The following VPS13A variants were observed in gnomAD, a reference collection of about 807,000 sequenced individuals.
The protein encoded by VPS13A is vacuolar protein sorting 13 homolog A.
Under a neutral mutation model 390.9 loss-of-function variants are expected in VPS13A, and 264 were observed. The observed-to-expected ratio is 0.68, with a 90% CI of 0.61 to 0.75. The LOEUF is 0.75. VPS13A is among the 30% of genes least tolerant of loss of function. The pLI, the probability that VPS13A is intolerant of heterozygous loss-of-function variation, is 0.00. For synonymous variants in VPS13A, 1,231 were observed against 1,227.1 expected (o/e 1.00, Z -0.07); for missense variants, 3,409 against 3,733.9 (o/e 0.91, Z 2.27).
rs577628249 is a variant in VPS13A, at chr9:77,280,965, A to T, written c.2904+727A>T. ...TATTCAGCTTTAAAAAAGGGGGGGAATCCTGTCACTTATGTCGACATAGAT... is the reference window on the plus strand; with the variant it reads ...TATTCAGCTTTAAAAAAGGGGGGGATTCCTGTCACTTATGTCGACATAGAT... On this transcript the variant is annotated intron_variant, in intron 27 of 71. Transcript: ENST00000360280. 2.0e-5 allele frequency among the ~76,000 whole-genome samples: 3 copies of T among 152,296 alleles called. No individual in the cohort carries two copies. The East Asian group carries it at 5.8e-4, about 29-fold the overall frequency.
chr9:77,395,608 A>G (rs555395356), intron 68 of VPS13A: 6 of 152,342 alleles, frequency 3.9e-5, no homozygotes, highest in South Asian at 4.1e-4. Context: ...AAAAAACACA[A>G]TATCTGGGAA....
chr9:77,306,401 A>AGAGAGAGAGTGTGTGT (rs550279922), intron 34 of VPS13A, among the ~76,000 whole-genome samples: 14 of 107,788 alleles, frequency 1.3e-4, no homozygotes, highest in African/African-American at 4.2e-4. Flanking sequence ...AGAGAGAGAG[A>AGAGAGAGAGTGTGTGT]GTGTGTGTGT....
intron 34 of VPS13A, among the ~76,000 whole-genome samples, chr9:77,305,024 C>T (rs1242281779): frequency 1.4e-4 from 21 of 151,704 alleles, no homozygotes; most frequent in African/African-American, 4.6e-4. Context: ...CTGCAAGCTC[C>T]GCCTCTGGGG....
chr9:77,267,330 AC>A (rs1238185240), intron 23 of VPS13A, among the ~76,000 whole-genome samples: 2 of 152,006 alleles, frequency 1.3e-5, no homozygotes, highest in Non-Finnish European at 2.9e-5. Flanking sequence ...GAAGTTGGTG[AC>A]CTTCGGATGG....
At chr9:77,361,830 C>T (rs1832158019) in intron 59 of VPS13A, among the ~76,000 whole-genome samples, 1 of 152,014 alleles carries the variant, frequency 6.6e-6, no homozygotes, top group Non-Finnish European at 1.5e-5. Flanking sequence ...GTCTTTGATT[C>T]TAGCAATCAT....
intron 35 of VPS13A, among the ~76,000 whole-genome samples, chr9:77,313,222 C>T (rs141642704): frequency 1.1e-4 from 16 of 152,134 alleles, no homozygotes; most frequent in East Asian, 7.7e-4. Context: ...ATACAAAATT[C>T]GTCTATGATG....
chr9:77,197,397 T>C (rs1825066429), intron 1 of VPS13A, among the ~76,000 whole-genome samples: 1 of 152,244 alleles, frequency 6.6e-6, no homozygotes, highest in African/African-American at 2.4e-5. Context: ...TCTGTTTCTC[T>C]CCTCAATTCT....
At chr9:77,179,383 C>T (rs1195709008) in intron 1 of VPS13A, among the ~76,000 whole-genome samples, 2 of 152,122 alleles carry the variant, frequency 1.3e-5, no homozygotes, top group East Asian at 1.9e-4. Context: ...TTGATCTCAC[C>T]CCGCCACCAC....
intron 59 of VPS13A, among the ~76,000 whole-genome samples, chr9:77,364,451 A>G (rs890779956): frequency 3.9e-5 from 6 of 151,960 alleles, no homozygotes; most frequent in Non-Finnish European, 7.4e-5. Flanking sequence ...ACAAAAAAAA[A>G]CCCATAAAGG....
At chr9:77,405,753 C>CT (rs1587728041) in intron 69 of VPS13A, 111 bp from the exon 70 acceptor site, 1 of 1,325,262 alleles carries the variant, frequency 7.5e-7, no homozygotes, top group East Asian at 2.4e-5. Flanking sequence ...AGAATATAGT[C>CT]TATGTTGATG....
chr9:77,397,540 G>A lies in VPS13A; in HGVS notation c.9190-5696G>A, dbSNP rs1425991950. 2.0e-5 allele frequency among the ~76,000 whole-genome samples: 3 copies of A among 151,782 alleles called. No homozygotes were observed. The East Asian group carries it at 5.8e-4, about 29-fold the overall frequency. ...CCTATTTTTAATCTTTTCATATTTTGCATTATTTTTCAGAAGTATTTTTGT... is the reference window on the plus strand; with the variant it reads ...CCTATTTTTAATCTTTTCATATTTTACATTATTTTTCAGAAGTATTTTTGT... On this transcript the variant is annotated intron_variant, in intron 68 of 71. Coordinates refer to ENST00000360280, the MANE Select transcript of VPS13A (RefSeq NM_033305.3).
intron 33 of VPS13A, 38 bp downstream of exon 33, chr9:77,295,884 A>G (rs1243419164): frequency 1.2e-6 from 2 of 1,603,648 alleles, no homozygotes; most frequent in South Asian, 1.1e-5. Context: ...GGAATGCAAT[A>G]TTTTTCTAAC....
intron 1 of VPS13A, among the ~76,000 whole-genome samples, chr9:77,186,457 A>C (rs1045003152): frequency 6.6e-6 from 1 of 151,630 alleles, no homozygotes; most frequent in African/African-American, 2.4e-5. Flanking sequence ...TTAATTTTTG[A>C]GATGGAGTCC....
rs1827941822 is a variant in VPS13A at position 77,295,593 on chromosome 9, G to A, written c.3559G>A (p.Val1187Ile). 2 of 1,613,454 alleles carry A rather than the reference G, an allele frequency of 1.2e-6. No homozygotes were observed. Among genetic ancestry groups the A allele is most frequent in the Non-Finnish European group, 8.5e-7 (1 of 1,179,512 alleles). Residue 1187 changes from valine (V) to isoleucine (I), a missense_variant, in exon 33 of 72, where the codon GTT (valine) becomes ATT (isoleucine). By Grantham distance (29) the Val-to-Ile change is conservative. This residue lies in a region of VPS13A where 2,717 missense variants were observed against 2,917.4 expected (regional missense o/e 0.93). Transcript: ENST00000360280. The stretch of plus-strand genomic sequence containing the variant: ...TAAACAAGCCTTGGCTGAGGCAACT[G>A]TTCAGGCAGCTGGAATGGCTGCTAC... ...AAKQALAEAT[V>I]QAAGMAATGV... is the part of the protein sequence containing the mutation.
At chr9:77,216,080 T>TA (rs1203470654) in intron 10 of VPS13A, among the ~76,000 whole-genome samples, 2 of 152,162 alleles carry the variant, frequency 1.3e-5, no homozygotes, top group Non-Finnish European at 2.9e-5. Flanking sequence ...TGAATGAACA[T>TA]ACTGGAACCA....
At chr9:77,363,226 C>G (rs1358669621) in intron 59 of VPS13A, among the ~76,000 whole-genome samples, 1 of 151,558 alleles carries the variant, frequency 6.6e-6, no homozygotes, top group Non-Finnish European at 1.5e-5. Flanking sequence ...TGATATTGAC[C>G]CTGGGTTTTT....
chr9:77,273,773 G>A (rs530268374), intron 24 of VPS13A, among the ~76,000 whole-genome samples: 2 of 152,160 alleles, frequency 1.3e-5, no homozygotes, highest in Non-Finnish European at 2.9e-5. Context: ...TGTTTTCTCC[G>A]TTGATAAGAA....
At chr9:77,298,152 G>A (rs915326648) in intron 33 of VPS13A, among the ~76,000 whole-genome samples, 1 of 152,166 alleles carries the variant, frequency 6.6e-6, no homozygotes, top group African/African-American at 2.4e-5. Context: ...TCTCTAATGG[G>A]CAAAGTAGCC....
intron 19 of VPS13A, among the ~76,000 whole-genome samples, chr9:77,241,595 G>A (rs1299558585): frequency 6.6e-6 from 1 of 151,928 alleles, no homozygotes; most frequent in Admixed American, 6.6e-5. Flanking sequence ...ATGGTAACGT[G>A]TGTCTTTTTA....
Sources: gnomAD v4.1 joint callset for allele counts (sites outside exome capture counted in the v4.1 genomes callset) on GRCh38, gnomAD v4.1.1 for gene constraint, gnomAD v4.1.1 regional missense constraint, MANE v1.5 for transcripts, NCBI Gene and HGNC (gene_info 2026-07-23, HGNC 2026-07-21) for gene names.